SYNDIG1L: variants seen among roughly 807,000 people sequenced by gnomAD.
SYNDIG1L encodes synapse differentiation-inducing gene protein 1-like.
In SYNDIG1L, 13 loss-of-function variants were observed where a neutral mutation model predicts 20.1. The observed-to-expected ratio is 0.65, with a 90% confidence interval of 0.42 to 1.03. The LOEUF (loss-of-function observed/expected upper bound fraction) is 1.03. SYNDIG1L is among the 50% of genes least tolerant of loss of function. The pLI, the probability that SYNDIG1L is intolerant of heterozygous loss-of-function variation, is 0.00. For missense variants in SYNDIG1L, 294 were observed against 305.1 expected (o/e 0.96, Z 0.27); for synonymous variants, 128 against 129.3 (o/e 0.99, Z 0.07).
chr14:74,410,511 C>G (rs887002), intron 1 of SYNDIG1L, among the ~76,000 whole-genome samples: 72,392 of 151,870 alleles, frequency 0.48, 17,405 homozygotes, highest in Non-Finnish European at 0.5. Context: ...CTTCCCCATG[C>G]CTGTGTGTGG....
At chr14:74,420,062 A>G (rs2086209104) in intron 1 of SYNDIG1L, among the ~76,000 whole-genome samples, 1 of 152,032 alleles carries the variant, frequency 6.6e-6, no homozygotes, top group African/African-American at 2.4e-5. Context: ...AAGGTGGGTG[A>G]GAATGGAGGC....
the SYNDIG1L span, among the ~76,000 whole-genome samples, chr14:74,470,575 G>A: frequency 3.3e-5 from 5 of 152,320 alleles, no homozygotes; most frequent in Admixed American, 6.5e-5. Context: ...AGAGTGGCAC[G>A]GGTTTGGGGA....
the SYNDIG1L span, among the ~76,000 whole-genome samples, chr14:74,478,154 AC>A: frequency 2.0e-5 from 3 of 152,198 alleles, no homozygotes; most frequent in East Asian, 1.9e-4. Context: ...ATCACTCCTT[AC>A]AGGAGCTTTT....
chr14:74,454,438 G>A, the SYNDIG1L span, among the ~76,000 whole-genome samples: 1 of 152,192 alleles, frequency 6.6e-6, no homozygotes, highest in African/African-American at 2.4e-5. Flanking sequence ...GATGAAATGA[G>A]TACTCAGACA....
At chr14:74,412,857 C>T (rs1479904314) in intron 1 of SYNDIG1L, among the ~76,000 whole-genome samples, 2 of 152,170 alleles carry the variant, frequency 1.3e-5, no homozygotes, top group Non-Finnish European at 2.9e-5. Flanking sequence ...CCCAGCTGGC[C>T]ATAATGTATG....
chr14:74,434,990 G>A, the SYNDIG1L span, among the ~76,000 whole-genome samples: 3 of 147,516 alleles, frequency 2.0e-5, no homozygotes, highest in Non-Finnish European at 4.4e-5. Flanking sequence ...GGCGGAGGCA[G>A]GAGAATGGAG....
the SYNDIG1L span, among the ~76,000 whole-genome samples, chr14:74,467,455 G>T: frequency 6.6e-6 from 1 of 152,100 alleles, no homozygotes; most frequent in Admixed American, 6.5e-5. Context: ...AGAGGGGGCA[G>T]GGGGCTCAGA....
At chr14:74,435,744 A>G in the SYNDIG1L span, among the ~76,000 whole-genome samples, 1 of 152,196 alleles carries the variant, frequency 6.6e-6, no homozygotes, top group Non-Finnish European at 1.5e-5. Context: ...GGCTCACACT[A>G]AATCTTCTTG....
the SYNDIG1L span, chr14:74,476,575 G>A: frequency 3.3e-6 from 5 of 1,535,596 alleles, no homozygotes; most frequent in Non-Finnish European, 4.4e-6. Flanking sequence ...AGTGAGCAGA[G>A]AACAGGCATG....
At chr14:74,430,583 G>A (rs1237643974), upstream of SYNDIG1L, among the ~76,000 whole-genome samples, 2 of 152,000 alleles carry the variant, frequency 1.3e-5, no homozygotes, top group African/African-American at 4.8e-5. Context: ...TTACAGGTGT[G>A]TGCTACCATA....
chr14:74,417,780 TGAG>T (rs2139627558), intron 1 of SYNDIG1L, among the ~76,000 whole-genome samples: 1 of 152,140 alleles, frequency 6.6e-6, no homozygotes, highest in African/African-American at 2.4e-5. Flanking sequence ...GTGAGAGTGG[TGAG>T]GAGTTGATCT....
At chr14:74,459,807 C>T in the SYNDIG1L span, among the ~76,000 whole-genome samples, 3 of 152,216 alleles carry the variant, frequency 2.0e-5, no homozygotes, top group Admixed American at 6.5e-5. Flanking sequence ...CCAGCCTGTG[C>T]GTGTGGTCCA....
At chr14:74,422,653 TCACA>T (rs34711949) in intron 1 of SYNDIG1L, among the ~76,000 whole-genome samples, 80 of 140,484 alleles carry the variant, frequency 5.7e-4, no homozygotes, top group Middle Eastern at 3.8e-3. Flanking sequence ...ATCTCTCTCT[TCACA>T]CACACACACA....
At chr14:74,474,627 T>C in the SYNDIG1L span, 1 of 152,414 alleles carries the variant, frequency 6.6e-6, no homozygotes, top group Non-Finnish European at 1.5e-5. Context: ...GAGCCATTTC[T>C]GCCTGAGCCC....
At chr14:74,459,644 T>C in the SYNDIG1L span, among the ~76,000 whole-genome samples, 1 of 152,184 alleles carries the variant, frequency 6.6e-6, no homozygotes. Context: ...AGGGCCAGAC[T>C]CTGGTCCAGG....
chr14:74,424,536 G>A (rs1442065573), intron 1 of SYNDIG1L, among the ~76,000 whole-genome samples: 2 of 152,198 alleles, frequency 1.3e-5, no homozygotes, highest in East Asian at 3.9e-4. Context: ...ATAAAAACCG[G>A]TGAGTCAGAC....
the SYNDIG1L span, among the ~76,000 whole-genome samples, chr14:74,466,819 G>C: frequency 6.6e-6 from 1 of 152,194 alleles, no homozygotes; most frequent in Non-Finnish European, 1.5e-5. Flanking sequence ...TCTGACTCTG[G>C]AGCCCCTTGG....
chr14:74,430,978 T>G (rs981364245), upstream of SYNDIG1L, among the ~76,000 whole-genome samples: 8 of 152,140 alleles, frequency 5.3e-5, no homozygotes, highest in South Asian at 6.2e-4. Flanking sequence ...GAAAAAATAG[T>G]CAGAGATCAA....
the SYNDIG1L span, among the ~76,000 whole-genome samples, chr14:74,475,323 G>A: frequency 1.5e-3 from 231 of 151,318 alleles, 11 homozygotes; most frequent in Non-Finnish European, 4.9e-4. Flanking sequence ...ACCACCTGAG[G>A]TGGGTATATT....
Sources: allele counts gnomAD v4.1 joint callset (sites outside exome capture counted in the v4.1 genomes callset), GRCh38; gene constraint gnomAD v4.1.1; transcripts MANE v1.5; gene names NCBI Gene and HGNC (gene_info 2026-07-23, HGNC 2026-07-21).